The following PTDSS2 variants were observed in gnomAD, a reference collection of about 807,000 sequenced individuals.
PTDSS2 encodes phosphatidylserine synthase 2, also known as PSS-2.
PTDSS2 carries 41 observed loss-of-function variants against 64.7 expected under a neutral mutation model. The observed-to-expected ratio is 0.63, with a 90% CI of 0.49 to 0.82. The LOEUF (loss-of-function observed/expected upper bound fraction) is 0.82. Ranked by LOEUF, PTDSS2 falls within the 40% of genes least tolerant of loss-of-function variation. PTDSS2 has a pLI of 0.00. For synonymous variants in PTDSS2, 297 were observed against 277.8 expected (o/e 1.07, Z -0.69); for missense variants, 485 against 650.0 (o/e 0.75, Z 2.76).
At chr11:488,712 G>A (rs576094470) in intron 8 of PTDSS2, 65 bp downstream of exon 8, 171 of 1,216,814 alleles carry the variant, frequency 1.4e-4, no homozygotes, top group African/African-American at 1.1e-3. Context: ...CTCAGCGTCC[G>A]TGCTCCAGCA....
chr11:473,926 T>C lies in PTDSS2; in HGVS notation c.316T>C (p.Cys106Arg). 1 of 1,614,120 alleles carries C rather than the reference T, an allele frequency of 6.2e-7. No individual in the cohort carries two copies. The highest frequency in any genetic ancestry group is 8.5e-7 in the Non-Finnish European group (1 of 1,179,940). Residue 106 changes from cysteine to arginine, a missense_variant, in exon 3 of 12, where the codon TGT (cysteine) becomes CGT (arginine). By Grantham distance (180) the Cys-to-Arg change is radical. Around this residue, in one of 3 missense-constraint regions of PTDSS2, gnomAD observed 251 missense variants for 348.0 expected, o/e 0.72. Coordinates refer to ENST00000308020, the MANE Select transcript of PTDSS2 (RefSeq NM_030783.3). The part of the protein sequence containing the change: ...GIVASILVFL[C>R]FGVTQAKDGP... ...TGTGGCCAGTATTTTGGTTTTCTTATGTTTTGGAGTCACACAAGCTAAAGA... is the reference window on the plus strand; with the variant it reads ...TGTGGCCAGTATTTTGGTTTTCTTACGTTTTGGAGTCACACAAGCTAAAGA...
At chr11:468,336 T>A (rs1393412312) in intron 2 of PTDSS2, among the ~76,000 whole-genome samples, 1 of 152,214 alleles carries the variant, frequency 6.6e-6, no homozygotes, top group South Asian at 2.1e-4. Context: ...GATAGTAGAA[T>A]GCAGCATTCG....
intron 2 of PTDSS2, among the ~76,000 whole-genome samples, chr11:471,789 ATGG>A (rs926683867): frequency 5.3e-5 from 6 of 114,090 alleles, no homozygotes; most frequent in Non-Finnish European, 1.0e-4. Context: ...GGTGACGCAG[ATGG>A]TGGCCTGGGG....
chr11:475,045 G>A (rs1438752187), intron 3 of PTDSS2, among the ~76,000 whole-genome samples: 4 of 136,440 alleles, frequency 2.9e-5, no homozygotes, highest in African/African-American at 5.5e-5. Flanking sequence ...TGTGTGATAC[G>A]GACATTCACG....
chr11:452,178 G>A (rs1225176684), intron 1 of PTDSS2, among the ~76,000 whole-genome samples: 1 of 152,212 alleles, frequency 6.6e-6, no homozygotes, highest in Non-Finnish European at 1.5e-5. Context: ...TGAGGTCCCG[G>A]AGCGAGGAGA....
rs1471681666 is a variant in PTDSS2 at position 489,744 on chromosome 11, C to T, written c.1115+11C>T. On this transcript the variant is annotated intron_variant, in intron 10 of 11. Transcript: ENST00000308020. The stretch of plus-strand genomic sequence containing the variant: ...CTTCATGGATGACCCGTGAGGGCTG[C>T]GGCAGTCCGGGTGGAGACACCCCCG... The T allele has an allele frequency of 6.8e-6, 11 of 1,605,856 alleles. No homozygotes were observed. The highest frequency in any genetic ancestry group is 2.2e-5 in the East Asian group (1 of 44,566).
At position 488,203 on chromosome 11, in the gene PTDSS2, TGATGATCC is replaced by T; in HGVS notation, c.629_636del (p.Met210ArgfsTer54). The T allele has an allele frequency of 6.2e-7, 1 of 1,611,904 alleles. No individual in the cohort carries two copies. Among genetic ancestry groups the T allele is most frequent in the Non-Finnish European group, 8.5e-7 (1 of 1,178,782 alleles). On this transcript the variant is annotated frameshift_variant, in exon 7 of 12. Coordinates refer to ENST00000308020, the MANE Select transcript of PTDSS2 (RefSeq NM_030783.3). LOFTEE classifies it high-confidence loss of function. Reference sequence around the variant, plus strand: ...GGCTGACCCTGGCGCCCACAGACCCTGATGATCCGAGACTGGTGGATGTGCATGATCAT... The same window carrying T: ...GGCTGACCCTGGCGCCCACAGACCCTGAGACTGGTGGATGTGCATGATCAT...
chr11:452,580 C>T (rs1327300929), intron 1 of PTDSS2, among the ~76,000 whole-genome samples: 8 of 152,168 alleles, frequency 5.3e-5, no homozygotes, highest in African/African-American at 1.7e-4. Context: ...GCGGGTGCAG[C>T]GGGGCTGGCT....
At chr11:487,178 G>A in intron 5 of PTDSS2, 105 bp downstream of exon 5, 2 of 1,178,120 alleles carry the variant, frequency 1.7e-6, no homozygotes, top group Admixed American at 2.0e-5. Context: ...CCACACTTGG[G>A]GTCTCCTGGT....
intron 1 of PTDSS2, among the ~76,000 whole-genome samples, chr11:453,174 G>A (rs1265570350): frequency 2.6e-5 from 4 of 152,140 alleles, no homozygotes; most frequent in South Asian, 2.1e-4. Context: ...CTGGGAGCAC[G>A]AGGCTGAGCT....
intron 1 of PTDSS2, 60 bp downstream of exon 1, chr11:450,697 C>T (rs1846275306): frequency 3.3e-6 from 4 of 1,224,252 alleles, no homozygotes; most frequent in East Asian, 3.2e-5. Flanking sequence ...GGTTCCGGCA[C>T]CGCTGGCCTG....
upstream of PTDSS2, among the ~76,000 whole-genome samples, chr11:449,712 G>C (rs1192180521): frequency 6.6e-6 from 1 of 152,114 alleles, no homozygotes; most frequent in East Asian, 1.9e-4. Flanking sequence ...CACTTTGGGA[G>C]GCCGAGGCGG....
intron 1 of PTDSS2, chr11:451,314 C>T (rs1846317825): frequency 4.8e-6 from 2 of 417,810 alleles, no homozygotes; most frequent in South Asian, 1.6e-5. Flanking sequence ...AAGGAAGAGG[C>T]CCCCGGGAGC....
At chr11:485,130 CTG>C (rs60315863) in intron 4 of PTDSS2, among the ~76,000 whole-genome samples, 2,745 of 116,224 alleles carry the variant, frequency 0.024, 163 homozygotes, top group African/African-American at 0.095. Context: ...CGTGTGCTCA[CTG>C]TGTGCGCAGG....
chr11:473,874 C>T, intron 2 of PTDSS2, 21 bp from the exon 3 acceptor site: 1 of 1,581,556 alleles, frequency 6.3e-7, no homozygotes, highest in Non-Finnish European at 8.7e-7. Context: ...CACTGAGGGG[C>T]TGTTTGTTCT....
Position 489,967 on chromosome 11 carries a change from C to T in PTDSS2, c.1200C>T (p.Asp400=). The T allele has an allele frequency of 6.2e-7, 1 of 1,611,882 alleles. No homozygotes were observed. The highest frequency in any genetic ancestry group is 8.5e-7 in the Non-Finnish European group (1 of 1,179,868). ...ATELLIVVKY[D]PHTLTLSLPF... ...AGCTGCTCATCGTGGTGAAGTACGA[C>T]CCCCACACGCTCACCCTGTCCCTGC... The change falls in exon 11 of 12, where the codon GAC becomes GAT. Residue 400 remains aspartate (D), a synonymous_variant. Coordinates refer to ENST00000308020, the MANE Select transcript of PTDSS2 (RefSeq NM_030783.3).
rs1034050351 is a variant in PTDSS2 at position 489,875 on chromosome 11, C to T, written c.1116-8C>T. On this transcript the variant is annotated splice_region_variant and splice_polypyrimidine_tract_variant and intron_variant, in intron 10 of 11. Transcript: ENST00000308020. ...CCCGGGACGCTGAACCCCCTGCTGC[C>T]CCTGCAGGAAGCCCCACAAGAAGCT... is the stretch of plus-strand genomic sequence containing the variant. 6.3e-7 allele frequency: 1 copy of T among 1,575,994 alleles called. No individual in the cohort carries two copies. The highest frequency in any genetic ancestry group is 1.1e-5 in the South Asian group (1 of 87,546).
chr11:482,105 C>T (rs1476363489), intron 4 of PTDSS2, among the ~76,000 whole-genome samples: 3 of 152,048 alleles, frequency 2.0e-5, no homozygotes, highest in Non-Finnish European at 4.4e-5. Flanking sequence ...CTTGGCCTCC[C>T]AAAGTGCTGG....
Position 479,924 on chromosome 11 carries a change from ATT to A in PTDSS2, c.435+777_435+778del, listed in dbSNP as rs746921345. ...TAAAACTCCATCAGTGCATGATGAG[ATT>A]TTTTATCATCGTGGCAAAATTGACT... On this transcript the variant is annotated intron_variant, in intron 4 of 11. Coordinates refer to ENST00000308020, the MANE Select transcript of PTDSS2 (RefSeq NM_030783.3). This position sits in a 1 kb window ranked among gnomAD's most constrained non-coding sequence, Gnocchi z 4.2. Among the ~76,000 whole-genome samples, 1 of 152,156 alleles carries A rather than the reference ATT, an allele frequency of 6.6e-6. No homozygotes were observed. Among genetic ancestry groups the A allele is most frequent in the African/African-American group, 2.4e-5 (1 of 41,428 alleles).
Sources: gnomAD v4.1 joint callset for allele counts (sites outside exome capture counted in the v4.1 genomes callset) on GRCh38, gnomAD v4.1.1 for gene constraint, gnomAD v4.1.1 regional missense constraint, Gnocchi (gnomAD v3.1) non-coding constraint, MANE v1.5 for transcripts, NCBI Gene and HGNC (gene_info 2026-07-23, HGNC 2026-07-21) for gene names.